RTL4: variants seen among roughly 807,000 people sequenced by gnomAD.
RTL4 encodes the protein retrotransposon Gag like 4, also known as retrotransposon Gag-like protein 4.
Under a neutral mutation model 5.3 loss-of-function variants are expected in RTL4, and 4 were observed. The ratio of observed to expected loss-of-function variants is 0.75; its 90% CI spans 0.37 to 1.72. RTL4 has a LOEUF of 1.72. Ranked by LOEUF, RTL4 falls within the 40% of genes most tolerant of loss-of-function variation. The pLI is 0.04. For missense variants in RTL4, 260 were observed against 227.1 expected, an observed-to-expected ratio of 1.14 and a Z score of -0.93; for synonymous variants, 98 against 87.3, an observed-to-expected ratio of 1.12 and a Z score of -0.68.
At chrX:112,161,788 T>TCTTCCTTCCTTC in the RTL4 span, among the ~76,000 whole-genome samples, 52 of 75,482 alleles carry the variant, frequency 6.9e-4, 1 homozygote, top group African/African-American at 2.1e-3. Context: ...AGGTTGCTTT[T>TCTTCCTTCCTTC]CTTCCTTCCT....
chrX:112,201,973 T>TTGTGTGTG, the RTL4 span, among the ~76,000 whole-genome samples: 995 of 103,399 alleles, frequency 9.6e-3, 3 homozygotes, highest in African/African-American at 0.026. Flanking sequence ...TTGTGTGTGT[T>TTGTGTGTG]TGTGTGTGTG....
chrX:112,253,999 T>C, the RTL4 span, among the ~76,000 whole-genome samples: 1 of 112,348 alleles, frequency 8.9e-6, no homozygotes. Flanking sequence ...TTGCTGTATT[T>C]AGAGTGAAGC....
At chrX:112,206,100 T>C in the RTL4 span, among the ~76,000 whole-genome samples, 7 of 112,062 alleles carry the variant, frequency 6.2e-5, no homozygotes, top group Admixed American at 1.9e-4. Flanking sequence ...TCTAGGCACA[T>C]CTATGGTGAT....
chrX:112,162,877 T>G, the RTL4 span, among the ~76,000 whole-genome samples: 2 of 111,628 alleles, frequency 1.8e-5, no homozygotes, highest in African/African-American at 6.5e-5. Flanking sequence ...GGAGACTTTA[T>G]TACTATTACT....
At chrX:112,300,740 T>A in the RTL4 span, among the ~76,000 whole-genome samples, 1 of 112,446 alleles carries the variant, frequency 8.9e-6, no homozygotes, top group Non-Finnish European at 1.9e-5. Flanking sequence ...AAAAACAGAT[T>A]CGCATCCATC....
At chrX:112,328,604 G>C in the RTL4 span, among the ~76,000 whole-genome samples, 12 of 111,135 alleles carry the variant, frequency 1.1e-4, no homozygotes, top group African/African-American at 2.3e-4. Context: ...ATCAACAAGA[G>C]AGAAAGTCAA....
At chrX:112,106,976 C>T in the RTL4 span, among the ~76,000 whole-genome samples, 167 of 111,862 alleles carry the variant, frequency 1.5e-3, 2 homozygotes, top group East Asian at 0.032. Context: ...TGTCTCCACA[C>T]TTTGTTGATT....
At chrX:112,164,235 G>A in the RTL4 span, among the ~76,000 whole-genome samples, 1 of 110,835 alleles carries the variant, frequency 9.0e-6, no homozygotes, top group East Asian at 2.9e-4. Flanking sequence ...TCAGTTGATG[G>A]GGAGAAGAGT....
the RTL4 span, among the ~76,000 whole-genome samples, chrX:112,086,405 T>A: frequency 8.9e-6 from 1 of 112,452 alleles, no homozygotes; most frequent in Non-Finnish European, 1.9e-5. Flanking sequence ...AGAAATGGAA[T>A]GTAAAAAGAG....
chrX:112,271,374 A>G, the RTL4 span, among the ~76,000 whole-genome samples: 2 of 113,699 alleles, frequency 1.8e-5, no homozygotes, highest in Non-Finnish European at 3.7e-5. Context: ...ATGAAGGGGT[A>G]TAGACCAAAT....
chrX:112,157,350 G>A, the RTL4 span, among the ~76,000 whole-genome samples: 3 of 110,970 alleles, frequency 2.7e-5, no homozygotes, highest in South Asian at 7.7e-4. Context: ...TGATCCCTAA[G>A]TATAGTTCTA....
chrX:112,367,880 C>A, the RTL4 span, among the ~76,000 whole-genome samples: 1 of 111,790 alleles, frequency 8.9e-6, no homozygotes, highest in South Asian at 3.7e-4. Flanking sequence ...GTTATCCAGA[C>A]AAAACTAAGT....
At chrX:112,227,496 T>C in the RTL4 span, among the ~76,000 whole-genome samples, 2 of 111,384 alleles carry the variant, frequency 1.8e-5, no homozygotes, top group Admixed American at 1.9e-4. Context: ...GTCACAAGCC[T>C]AGGCCAGGGT....
chrX:112,338,967 A>AACCT, the RTL4 span, among the ~76,000 whole-genome samples: 1 of 112,142 alleles, frequency 8.9e-6, no homozygotes, highest in African/African-American at 3.2e-5. Context: ...TGAGCAAATA[A>AACCT]ACCTATGTAC....
the RTL4 span, among the ~76,000 whole-genome samples, chrX:112,171,137 A>T: frequency 1.8e-5 from 2 of 111,680 alleles, no homozygotes; most frequent in African/African-American, 6.5e-5. Context: ...GTGATGCTGG[A>T]TTTGGTTTGC....
the RTL4 span, among the ~76,000 whole-genome samples, chrX:112,098,504 T>C: frequency 9.0e-6 from 1 of 111,606 alleles, no homozygotes; most frequent in East Asian, 2.9e-4. Context: ...CAAATGGTAT[T>C]TCTAGTTCTA....
the RTL4 span, among the ~76,000 whole-genome samples, chrX:112,238,750 A>G: frequency 9.0e-6 from 1 of 111,528 alleles, no homozygotes; most frequent in Admixed American, 9.6e-5. Context: ...CCAACCTGGA[A>G]CCAACAGGCA....
chrX:112,174,790 G>A, the RTL4 span, among the ~76,000 whole-genome samples: 1 of 98,128 alleles, frequency 1.0e-5, no homozygotes, highest in Non-Finnish European at 2.1e-5. Context: ...GGTGTGAGAT[G>A]ATATCTCATT....
chrX:112,367,490 C>A, the RTL4 span, among the ~76,000 whole-genome samples: 1 of 111,859 alleles, frequency 8.9e-6, no homozygotes, highest in Non-Finnish European at 1.9e-5. Context: ...TATTAGATAT[C>A]TTCTGTTTTA....
Sources: gnomAD v4.1 joint callset for allele counts (sites outside exome capture counted in the v4.1 genomes callset) on GRCh38, gnomAD v4.1.1 for gene constraint, MANE v1.5 for transcripts, NCBI Gene and HGNC (gene_info 2026-07-23, HGNC 2026-07-21) for gene names.